Variants in SPAG16 observed in about 807,000 individuals in gnomAD.
SPAG16 encodes the protein sperm-associated antigen 16 protein.
A neutral mutation model predicts 80.4 loss-of-function variants in SPAG16; 86 were observed. The observed-to-expected ratio is 1.07, with a 90% CI of 0.90 to 1.28. SPAG16 has a LOEUF of 1.28. Ranked by LOEUF, SPAG16 falls within the 50% of genes most tolerant of loss-of-function variation. The probability of loss-of-function intolerance (pLI) is 0.00; values close to 1 mark genes in which losing one functional copy is unlikely to be tolerated. For missense variants in SPAG16, 870 were observed against 765.3 expected (o/e 1.14, Z -1.61); for synonymous variants, 294 against 265.9 (o/e 1.11, Z -1.03).
chr2:213,458,430 G>A (rs115027549), intron 9 of SPAG16, among the ~76,000 whole-genome samples: 1,988 of 152,154 alleles, frequency 0.013, 21 homozygotes, highest in South Asian at 0.038. Flanking sequence ...AAAGTAGCTG[G>A]GCGTGGTGGT....
At chr2:214,193,325 A>T (rs1232978204) in intron 15 of SPAG16, among the ~76,000 whole-genome samples, 1 of 151,904 alleles carries the variant, frequency 6.6e-6, no homozygotes, top group African/African-American at 2.4e-5. Context: ...CTGCACCAAG[A>T]TACTCATCCA....
intron 9 of SPAG16, among the ~76,000 whole-genome samples, chr2:213,413,316 G>T (rs1453428071): frequency 1.3e-5 from 2 of 151,988 alleles, no homozygotes; most frequent in Admixed American, 1.3e-4. Context: ...TTTTTTTGAA[G>T]TATCAGGTTG....
chr2:213,696,517 GA>G (rs1411986986), intron 10 of SPAG16, among the ~76,000 whole-genome samples: 1 of 152,104 alleles, frequency 6.6e-6, no homozygotes, highest in African/African-American at 2.4e-5. Flanking sequence ...AATAATTAGA[GA>G]AAGAGGAACC....
At chr2:213,602,570 G>T (rs1171299461) in intron 10 of SPAG16, among the ~76,000 whole-genome samples, 1 of 152,210 alleles carries the variant, frequency 6.6e-6, no homozygotes, top group Non-Finnish European at 1.5e-5. Flanking sequence ...GAAGGCAGAG[G>T]TTGCAGTGAG....
rs527667736 is a variant in SPAG16 at position 214,135,729 on chromosome 2, C to CTG, written c.1594-13410_1594-13409insGT. Among the ~76,000 whole-genome samples, 443 of 149,848 alleles carry CTG rather than the reference C, an allele frequency of 3.0e-3. 2 individuals carry two copies. The highest frequency in any genetic ancestry group is 0.011 in the African/African-American group (426 of 39,698). On this transcript the variant is annotated intron_variant, in intron 14 of 15. Transcript: ENST00000331683. The stretch of plus-strand genomic sequence containing the variant: ...TCTCTCTCTCTGTCTCTCTGTCTCT[C>CTG]TCTCTCTCTCTCTCTCTCTCACTCT...
At chr2:213,437,688 T>C (rs1208993274) in intron 9 of SPAG16, among the ~76,000 whole-genome samples, 3 of 152,098 alleles carry the variant, frequency 2.0e-5, no homozygotes, top group Admixed American at 6.6e-5. Flanking sequence ...AATATTATAC[T>C]TTTTTAAAAA....
chr2:213,688,297 G>A (rs998716361), intron 10 of SPAG16, among the ~76,000 whole-genome samples: 2 of 152,136 alleles, frequency 1.3e-5, no homozygotes, highest in Admixed American at 6.6e-5. Context: ...TTCCTATTCA[G>A]ACCTTTAAAA....
intron 15 of SPAG16, among the ~76,000 whole-genome samples, chr2:214,339,402 A>G (rs1697511713): frequency 1.3e-5 from 2 of 152,262 alleles, no homozygotes; most frequent in African/African-American, 4.8e-5. Context: ...ATTATAAAAT[A>G]AAGTAAGTAT....
intron 10 of SPAG16, among the ~76,000 whole-genome samples, chr2:213,684,279 G>T (rs564095845): frequency 6.6e-6 from 1 of 152,102 alleles, no homozygotes; most frequent in African/African-American, 2.4e-5. Context: ...GCATATTCAT[G>T]GTTAAGAAAT....
chr2:213,318,566 A>C (rs1269562281), intron 5 of SPAG16, among the ~76,000 whole-genome samples: 1 of 151,974 alleles, frequency 6.6e-6, no homozygotes, highest in Admixed American at 6.6e-5. Flanking sequence ...TTGGTACACC[A>C]GAAACCCAGA....
At chr2:213,343,855 CAT>C (rs1348673143) in intron 6 of SPAG16, among the ~76,000 whole-genome samples, 1 of 152,038 alleles carries the variant, frequency 6.6e-6, no homozygotes, top group African/African-American at 2.4e-5. Flanking sequence ...ACTGAAAAAA[CAT>C]AAATAGAACC....
intron 13 of SPAG16, among the ~76,000 whole-genome samples, chr2:214,059,186 C>CTATATATATATATATATATATATATA (rs36006046): frequency 2.7e-4 from 31 of 114,360 alleles, no homozygotes; most frequent in African/African-American, 1.0e-3. Context: ...CTCTCTCTGT[C>CTATATATATATATATATATATATATA]TATATATATA....
chr2:213,890,551 T>A (rs2076746233), intron 11 of SPAG16, among the ~76,000 whole-genome samples: 1 of 151,430 alleles, frequency 6.6e-6, no homozygotes, highest in Non-Finnish European at 1.5e-5. Context: ...TATGAAAAAT[T>A]CAGCATTTTA....
chr2:213,913,638 T>C (rs370600484), intron 11 of SPAG16, among the ~76,000 whole-genome samples: 4,673 of 22,660 alleles, frequency 0.21, 441 homozygotes, highest in Middle Eastern at 0.37. Flanking sequence ...TGTACATATA[T>C]GTATATGTAC....
intron 9 of SPAG16, among the ~76,000 whole-genome samples, chr2:213,388,858 C>T (rs1158932527): frequency 6.6e-6 from 1 of 152,160 alleles, no homozygotes; most frequent in Non-Finnish European, 1.5e-5. Flanking sequence ...TAAACATATC[C>T]TATGTTCACA....
At chr2:214,152,381 T>C (rs1428244625) in intron 15 of SPAG16, among the ~76,000 whole-genome samples, 1 of 152,194 alleles carries the variant, frequency 6.6e-6, no homozygotes, top group Non-Finnish European at 1.5e-5. Context: ...TTAGGTTTAA[T>C]CACATGTTCA....
At chr2:214,356,220 T>C (rs1467605483) in intron 15 of SPAG16, among the ~76,000 whole-genome samples, 1 of 151,072 alleles carries the variant, frequency 6.6e-6, no homozygotes, top group East Asian at 1.9e-4. Context: ...GAGAAAAAAA[T>C]AAAAAGAAAA....
intron 10 of SPAG16, among the ~76,000 whole-genome samples, chr2:213,784,650 AAAAG>A (rs1302351111): frequency 3.3e-5 from 5 of 150,002 alleles, no homozygotes; most frequent in Non-Finnish European, 5.9e-5. Flanking sequence ...AAAAAAAAAA[AAAAG>A]AACTGTGAGA....
intron 10 of SPAG16, among the ~76,000 whole-genome samples, chr2:213,781,112 CCTTTA>C (rs2069936073): frequency 6.6e-6 from 1 of 152,140 alleles, no homozygotes; most frequent in South Asian, 2.1e-4. Context: ...CAGCAAAACT[CCTTTA>C]AGGTCTTCCT....
Sources: gnomAD v4.1 joint callset for allele counts (sites outside exome capture counted in the v4.1 genomes callset) on GRCh38, gnomAD v4.1.1 for gene constraint, MANE v1.5 for transcripts, NCBI Gene and HGNC (gene_info 2026-07-23, HGNC 2026-07-21) for gene names.